ZNF83: variants seen among roughly 807,000 people sequenced by gnomAD.
ZNF83 encodes zinc finger protein 83.
For synonymous variants in ZNF83, 209 were observed against 213.0 expected (o/e 0.98, Z 0.17); for missense variants, 552 against 629.9 (o/e 0.88, Z 1.32).
rs919180122 is a variant in ZNF83 at position 52,614,191 on chromosome 19, A to G, written c.374T>C (p.Ile125Thr). The G allele has an allele frequency of 6.2e-6, 10 of 1,614,050 alleles. No individual in the cohort carries two copies. In the Middle Eastern group the frequency reaches 4.9e-4, roughly 80 times the overall value. ...TTTTTTATTGAAGATCTTGCCACAT[A>G]TATCACATTTAAATTGCGTCTCTTT... The change falls in exon 3 of 3, where the codon ATA becomes ACA. Residue 125 changes from isoleucine to threonine, a missense_variant. By Grantham distance (89) the Ile-to-Thr change is moderately conservative. Coordinates refer to ENST00000301096, the Ensembl canonical transcript of ZNF83.
At chr19:52,684,994 G>A (rs2147367368) in intron 1 of ZNF83, among the ~76,000 whole-genome samples, 1 of 152,304 alleles carries the variant, frequency 6.6e-6, no homozygotes, top group Middle Eastern at 3.4e-3. Context: ...TGGCTGTGAT[G>A]TCCTCATACA....
intron 3 of ZNF83, chr19:52,652,438 A>G: frequency 2.6e-6 from 1 of 390,784 alleles, no homozygotes. Context: ...TCATCTGAAA[A>G]AAGAAAAAAA....
chr19:52,656,864 C>CAAAAAAAAAAAAAAAA (rs112522632), intron 2 of ZNF83, among the ~76,000 whole-genome samples: 2 of 136,564 alleles, frequency 1.5e-5, no homozygotes, highest in African/African-American at 2.6e-5. Flanking sequence ...GACTCCGTCT[C>CAAAAAAAAAAAAAAAA]AAAAAAAAAA....
chr19:52,666,550 A>C (rs1247473577), intron 1 of ZNF83, among the ~76,000 whole-genome samples: 1 of 152,060 alleles, frequency 6.6e-6, no homozygotes, highest in Non-Finnish European at 1.5e-5. Flanking sequence ...AACAGAAGAA[A>C]CAGAAAAATA....
chr19:52,680,251 T>G (rs886505743), intron 1 of ZNF83, among the ~76,000 whole-genome samples: 1 of 152,056 alleles, frequency 6.6e-6, no homozygotes, highest in Admixed American at 6.5e-5. Context: ...AGAGCCAAGA[T>G]AGACAAGAGC....
intron 1 of ZNF83, among the ~76,000 whole-genome samples, chr19:52,680,698 C>A (rs560757276): frequency 7.1e-6 from 1 of 141,814 alleles, no homozygotes; most frequent in Non-Finnish European, 1.5e-5. Context: ...CTGCAAGCTC[C>A]GCCTCCCGGG....
At chr19:52,675,409 GGGA>G (rs2061785848) in intron 1 of ZNF83, among the ~76,000 whole-genome samples, 1 of 152,160 alleles carries the variant, frequency 6.6e-6, no homozygotes, top group African/African-American at 2.4e-5. Flanking sequence ...TATATCAAGG[GGGA>G]TACAAGGGCT....
At chr19:52,649,224 A>T (rs183779381) in intron 3 of ZNF83, among the ~76,000 whole-genome samples, 1 of 152,256 alleles carries the variant, frequency 6.6e-6, no homozygotes, top group Non-Finnish European at 1.5e-5. Context: ...ATGCTTTGGG[A>T]TATTGAAATC....
At chr19:52,613,116 T>C (rs200786532) in exon 3 of ZNF83, 4 of 1,613,994 alleles carry the variant, frequency 2.5e-6, no homozygotes, top group Non-Finnish European at 2.5e-6. Flanking sequence ...ATTTGAAATG[T>C]TTCTCTCCAG....
At chr19:52,623,585 T>C (rs543949819) in intron 2 of ZNF83, among the ~76,000 whole-genome samples, 6 of 152,112 alleles carry the variant, frequency 3.9e-5, no homozygotes, top group East Asian at 1.9e-4. Context: ...CCGCCCTTCT[T>C]CCCAACCCAA....
At chr19:52,618,732 C>G (rs753359284) in intron 2 of ZNF83, 43 of 987,020 alleles carry the variant, frequency 4.4e-5, no homozygotes, top group Middle Eastern at 3.4e-4. Context: ...ACTTCTGGAA[C>G]CCCCACTGAG....
At chr19:52,615,025 A>C (rs1012531) in intron 2 of ZNF83, among the ~76,000 whole-genome samples, 30,918 of 152,104 alleles carry the variant, frequency 0.2, 3,764 homozygotes, top group East Asian at 0.48. Context: ...GCCTAGTATA[A>C]AGAAACCTAT....
chr19:52,683,972 G>A (rs374694964), intron 1 of ZNF83, among the ~76,000 whole-genome samples: 4 of 152,198 alleles, frequency 2.6e-5, no homozygotes, highest in Admixed American at 6.5e-5. Context: ...AGTGACTCCC[G>A]TCTGCAATTC....
intron 1 of ZNF83, among the ~76,000 whole-genome samples, chr19:52,637,841 C>T (rs1284052604): frequency 6.6e-6 from 1 of 152,096 alleles, no homozygotes; most frequent in Non-Finnish European, 1.5e-5. Flanking sequence ...GCAGCAGGGC[C>T]CGCCACGAGG....
intron 3 of ZNF83, among the ~76,000 whole-genome samples, chr19:52,648,810 G>A (rs1282461122): frequency 6.6e-6 from 1 of 152,168 alleles, no homozygotes; most frequent in African/African-American, 2.4e-5. Flanking sequence ...GCCTGCTCTA[G>A]TCACTACGGA....
At chr19:52,627,075 G>A (rs929354683) in intron 2 of ZNF83, among the ~76,000 whole-genome samples, 41 of 151,948 alleles carry the variant, frequency 2.7e-4, no homozygotes, top group African/African-American at 9.4e-4. Context: ...AATTCTTCTG[G>A]ACAATGAGTC....
chr19:52,633,167 A>C (rs1362384915), intron 2 of ZNF83, among the ~76,000 whole-genome samples: 6 of 152,052 alleles, frequency 3.9e-5, no homozygotes, highest in African/African-American at 1.4e-4. Context: ...CTCCTGGCTC[A>C]TCCTGGCTCA....
intron 1 of ZNF83, among the ~76,000 whole-genome samples, chr19:52,678,981 A>C (rs1402009757): frequency 6.6e-6 from 1 of 152,150 alleles, no homozygotes; most frequent in Non-Finnish European, 1.5e-5. Flanking sequence ...CTCAAAAAAA[A>C]AAAAAAGAAA....
intron 2 of ZNF83, among the ~76,000 whole-genome samples, chr19:52,619,272 T>C (rs1464443005): frequency 2.0e-5 from 3 of 152,230 alleles, no homozygotes; most frequent in Non-Finnish European, 4.4e-5. Context: ...AAATTTATTA[T>C]GTTTGTGAAG....
Sources: gnomAD v4.1 joint callset for allele counts (sites outside exome capture counted in the v4.1 genomes callset) on GRCh38, gnomAD v4.1.1 for gene constraint, MANE v1.5 for transcripts, NCBI Gene and HGNC (gene_info 2026-07-23, HGNC 2026-07-21) for gene names.